GABRB1: variants seen among roughly 807,000 people sequenced by gnomAD.
GABRB1 encodes gamma-aminobutyric acid receptor subunit beta-1.
A neutral mutation model predicts 51.6 loss-of-function variants in GABRB1; 17 were observed. The observed-to-expected ratio is 0.33, with a 90% confidence interval of 0.23 to 0.49. The LOEUF (loss-of-function observed/expected upper bound fraction) is 0.49, where lower values mean the gene tolerates loss of function less well. Ranked by LOEUF, GABRB1 falls within the 20% of genes least tolerant of loss-of-function variation. GABRB1 has a pLI of 0.99. For missense variants in GABRB1, 410 were observed against 600.6 expected (o/e 0.68, Z 3.32); for synonymous variants, 247 against 218.9 (o/e 1.13, Z -1.14).
intron 3 of GABRB1, among the ~76,000 whole-genome samples, chr4:47,142,680 T>C (rs553944743): frequency 3.3e-5 from 5 of 151,890 alleles, no homozygotes; most frequent in South Asian, 2.1e-4. Flanking sequence ...CTAAGATCAG[T>C]AAGAGTGAGG....
intron 4 of GABRB1, among the ~76,000 whole-genome samples, chr4:47,285,892 C>A (rs1723493471): frequency 6.6e-6 from 1 of 152,182 alleles, no homozygotes. Context: ...CAGCACTTTG[C>A]AATGAGGTTC....
chr4:47,259,790 T>G (rs1379255372), intron 4 of GABRB1, among the ~76,000 whole-genome samples: 1 of 152,174 alleles, frequency 6.6e-6, no homozygotes, highest in Admixed American at 6.5e-5. Context: ...ATACATCACA[T>G]TTTGTGGCTC....
At position 47,095,657 on chromosome 4, in the gene GABRB1, G is replaced by A. The variant is rs73813163; in HGVS notation, c.240+63173G>A. On this transcript the variant is annotated intron_variant, in intron 3 of 8. Coordinates refer to ENST00000295454, the MANE Select transcript of GABRB1 (RefSeq NM_000812.4). ...TCACATTCTTCATTCACTTTCATTA[G>A]CTGACACTGCTGAGTTAGTCTCTCT... is the stretch of plus-strand genomic sequence containing the variant. Among the ~76,000 whole-genome samples the A allele has an allele frequency of 7.4e-4, 113 of 152,296 alleles. 1 individual carries two copies. Among genetic ancestry groups the A allele is most frequent in the African/African-American group, 2.6e-3 (106 of 41,554 alleles).
chr4:47,288,266 A>ATTATTG (rs1723590095), intron 4 of GABRB1, among the ~76,000 whole-genome samples: 1 of 150,360 alleles, frequency 6.7e-6, no homozygotes, highest in Non-Finnish European at 1.5e-5. Flanking sequence ...TATTATTATT[A>ATTATTG]TTATTGTTAT....
intron 5 of GABRB1, among the ~76,000 whole-genome samples, chr4:47,358,319 A>G (rs747397678): frequency 6.6e-6 from 1 of 152,076 alleles, no homozygotes; most frequent in Admixed American, 6.6e-5. Flanking sequence ...ATGTGTGTGT[A>G]TATATATACA....
At chr4:47,056,198 T>C (rs2109517885) in intron 3 of GABRB1, among the ~76,000 whole-genome samples, 1 of 152,328 alleles carries the variant, frequency 6.6e-6, no homozygotes, top group Admixed American at 6.5e-5. Context: ...TGTTACAGAA[T>C]AAGAGCAAAA....
chr4:47,382,847 G>T (rs375179493), intron 5 of GABRB1, among the ~76,000 whole-genome samples: 7 of 152,278 alleles, frequency 4.6e-5, no homozygotes, highest in Admixed American at 2.0e-4. Flanking sequence ...AGCTAGCCAC[G>T]TATTTCATCA....
intron 7 of GABRB1, among the ~76,000 whole-genome samples, chr4:47,404,537 T>C (rs1728506445): frequency 6.7e-6 from 1 of 149,966 alleles, no homozygotes; most frequent in Non-Finnish European, 1.5e-5. Context: ...ACATCATTTC[T>C]GGCTAAACTA....
intron 1 of GABRB1, 69 bp from the exon 2 acceptor site, chr4:47,031,845 C>T: frequency 6.6e-7 from 1 of 1,511,824 alleles, no homozygotes; most frequent in Non-Finnish European, 9.2e-7. Flanking sequence ...GGTAGGTGTG[C>T]CTGTATCTTT....
intron 4 of GABRB1, among the ~76,000 whole-genome samples, chr4:47,165,467 C>G (rs1718143053): frequency 6.6e-6 from 1 of 152,072 alleles, no homozygotes; most frequent in South Asian, 2.1e-4. Context: ...CCTATAACAA[C>G]TCTGCCAAAA....
intron 4 of GABRB1, among the ~76,000 whole-genome samples, chr4:47,170,275 G>C: frequency 2.7e-5 from 1 of 36,872 alleles, no homozygotes; most frequent in East Asian, 6.3e-4. Context: ...GTAAAAGAAA[G>C]ACGAGTTTTT....
intron 3 of GABRB1, among the ~76,000 whole-genome samples, chr4:47,103,867 G>A (rs1714832435): frequency 6.6e-6 from 1 of 151,684 alleles, no homozygotes; most frequent in Non-Finnish European, 1.5e-5. Flanking sequence ...GCAGTGTAAA[G>A]AAACTAACAA....
intron 4 of GABRB1, among the ~76,000 whole-genome samples, chr4:47,306,680 T>C (rs1018830634): frequency 4.6e-5 from 7 of 152,176 alleles, no homozygotes; most frequent in African/African-American, 1.4e-4. Flanking sequence ...AAGACATATA[T>C]GCTAATGTTT....
chr4:47,123,743 TA>T (rs1715952714), intron 3 of GABRB1, among the ~76,000 whole-genome samples: 2 of 50,848 alleles, frequency 3.9e-5, no homozygotes, highest in Non-Finnish European at 6.9e-5. Context: ...TATATTATTA[TA>T]TATATAATAT....
intron 4 of GABRB1, among the ~76,000 whole-genome samples, chr4:47,279,124 A>C (rs2109904476): frequency 1.3e-5 from 2 of 151,952 alleles, no homozygotes; most frequent in East Asian, 3.9e-4. Flanking sequence ...GGATGGATGG[A>C]TGGATGGATA....
chr4:47,161,571 A>C, intron 4 of GABRB1, 102 bp downstream of exon 4: 3 of 820,988 alleles, frequency 3.7e-6, no homozygotes, highest in Non-Finnish European at 5.8e-6. Flanking sequence ...TATATAGATG[A>C]ATATATAAAT....
chr4:47,130,063 G>T (rs1467394067), intron 3 of GABRB1, among the ~76,000 whole-genome samples: 1 of 152,138 alleles, frequency 6.6e-6, no homozygotes, highest in Non-Finnish European at 1.5e-5. Flanking sequence ...CTCCTCCATT[G>T]CGTGGATGAT....
intron 4 of GABRB1, among the ~76,000 whole-genome samples, chr4:47,255,819 C>T (rs1445508003): frequency 6.6e-6 from 1 of 152,146 alleles, no homozygotes; most frequent in Admixed American, 6.5e-5. Context: ...GGCCTGGGAC[C>T]ACACTTTGAG....
At chr4:47,177,822 T>G (rs1240503545) in intron 4 of GABRB1, among the ~76,000 whole-genome samples, 1 of 151,712 alleles carries the variant, frequency 6.6e-6, no homozygotes, top group Non-Finnish European at 1.5e-5. Context: ...AGTGGTTTTT[T>G]TTTTTTTTTT....
Sources: allele counts gnomAD v4.1 joint callset (sites outside exome capture counted in the v4.1 genomes callset), GRCh38; gene constraint gnomAD v4.1.1; transcripts MANE v1.5; gene names NCBI Gene and HGNC (gene_info 2026-07-23, HGNC 2026-07-21).